SENP7: variants seen among roughly 807,000 people sequenced by gnomAD.
SENP7 encodes the protein sentrin-specific protease 7.
Under a neutral mutation model 141.2 loss-of-function variants are expected in SENP7, and 64 were observed. The observed-to-expected ratio is 0.45, with a 90% CI of 0.37 to 0.56. The LOEUF is 0.56. SENP7 is among the 20% of genes least tolerant of loss of function. The pLI, the probability that SENP7 is intolerant of heterozygous loss-of-function variation, is 0.00. For missense variants in SENP7, 1,025 were observed against 1,212.2 expected, an observed-to-expected ratio of 0.85 and a Z score of 2.29; for synonymous variants, 382 against 426.4, an observed-to-expected ratio of 0.90 and a Z score of 1.28.
chr3:101,331,278 C>T (rs1367163561), intron 19 of SENP7, among the ~76,000 whole-genome samples: 2 of 151,640 alleles, frequency 1.3e-5, no homozygotes, highest in Non-Finnish European at 1.5e-5. Flanking sequence ...CCAGGAGTTC[C>T]AGACCCACCT....
At chr3:101,478,011 C>T (rs1239091771) in intron 3 of SENP7, among the ~76,000 whole-genome samples, 2 of 151,812 alleles carry the variant, frequency 1.3e-5, no homozygotes, top group African/African-American at 2.4e-5. Flanking sequence ...AACACACACA[C>T]ATACCCTAAT....
chr3:101,504,297 A>AC (rs980688133), intron 1 of SENP7, among the ~76,000 whole-genome samples: 11 of 53,092 alleles, frequency 2.1e-4, no homozygotes, highest in African/African-American at 6.0e-4. Flanking sequence ...TTAAAAATAC[A>AC]AAAAAAAAAA....
intron 4 of SENP7, among the ~76,000 whole-genome samples, chr3:101,442,999 G>C (rs1183733397): frequency 6.6e-6 from 1 of 152,194 alleles, no homozygotes; most frequent in Non-Finnish European, 1.5e-5. Flanking sequence ...ATTGCTTTTG[G>C]TGTTTTAGAC....
chr3:101,472,695 T>C (rs963290941), intron 3 of SENP7, among the ~76,000 whole-genome samples: 3 of 151,780 alleles, frequency 2.0e-5, no homozygotes, highest in Admixed American at 6.6e-5. Flanking sequence ...AGGTAAACAA[T>C]AAAAGAATAG....
chr3:101,407,214 G>C lies in SENP7; in HGVS notation c.483-8159C>G, dbSNP rs183503395. On this transcript the variant is annotated intron_variant, in intron 5 of 23. Coordinates refer to ENST00000394095, the MANE Select transcript of SENP7 (RefSeq NM_020654.5). The stretch of plus-strand genomic sequence containing the variant: ...AAGACAAAGAGGGGCATTATATAAG[G>C]ACAAAAGGATTAGTCCAACAGGAAA... Among the ~76,000 whole-genome samples, 103 of 152,182 alleles carry C rather than the reference G, an allele frequency of 6.8e-4. No homozygotes were observed. In the Middle Eastern group the frequency reaches 0.014, roughly 20 times the overall value.
At chr3:101,446,365 G>C (rs975913642) in intron 4 of SENP7, among the ~76,000 whole-genome samples, 1 of 152,164 alleles carries the variant, frequency 6.6e-6, no homozygotes, top group African/African-American at 2.4e-5. Flanking sequence ...ACACTAAACA[G>C]ATCATCCAGA....
intron 3 of SENP7, among the ~76,000 whole-genome samples, chr3:101,472,600 T>G (rs1334830880): frequency 6.6e-6 from 1 of 152,060 alleles, no homozygotes; most frequent in Non-Finnish European, 1.5e-5. Context: ...TGTATACCTA[T>G]GTATCAAACC....
chr3:101,399,196 A>G, intron 5 of SENP7, 141 bp from the exon 6 acceptor site: 1 of 462,400 alleles, frequency 2.2e-6, no homozygotes, highest in Non-Finnish European at 3.7e-6. Flanking sequence ...AAATTAACCC[A>G]TAAATACTTA....
At chr3:101,405,170 C>A (rs1373825220) in intron 5 of SENP7, among the ~76,000 whole-genome samples, 2 of 152,254 alleles carry the variant, frequency 1.3e-5, no homozygotes, top group African/African-American at 4.8e-5. Context: ...CTGAAGGAAG[C>A]AGAGTACACC....
intron 6 of SENP7, among the ~76,000 whole-genome samples, chr3:101,381,039 C>A (rs2060487784): frequency 6.6e-6 from 1 of 152,148 alleles, no homozygotes; most frequent in African/African-American, 2.4e-5. Context: ...TAACCTGAAT[C>A]ATTTTTCTAA....
chr3:101,493,769 C>T, intron 3 of SENP7, 104 bp downstream of exon 3: 1 of 653,268 alleles, frequency 1.5e-6, no homozygotes, highest in Non-Finnish European at 2.5e-6. Flanking sequence ...CACAAGAAAA[C>T]CAAAAAAGGG....
chr3:101,458,538 C>CT, intron 4 of SENP7: 1 of 155,412 alleles, frequency 6.4e-6, no homozygotes, highest in Non-Finnish European at 1.4e-5. Context: ...TTGGCTGGCC[C>CT]AAGTACAGAG....
chr3:101,507,720 T>C (rs2065679401), intron 1 of SENP7, among the ~76,000 whole-genome samples: 1 of 152,092 alleles, frequency 6.6e-6, no homozygotes, highest in African/African-American at 2.4e-5. Context: ...ATTCTAACTT[T>C]ATTACAATAA....
chr3:101,472,111 A>G (rs572870471), intron 3 of SENP7, among the ~76,000 whole-genome samples: 2 of 152,386 alleles, frequency 1.3e-5, no homozygotes, highest in East Asian at 3.9e-4. Context: ...TCAAGGATCT[A>G]GACCTGGAAT....
At chr3:101,351,954 G>T (rs1238009950) in intron 11 of SENP7, among the ~76,000 whole-genome samples, 1 of 151,900 alleles carries the variant, frequency 6.6e-6, no homozygotes, top group Non-Finnish European at 1.5e-5. Context: ...AGAAGAAACT[G>T]CCAAGAGACC....
At chr3:101,357,290 C>A in intron 11 of SENP7, 1 of 572,880 alleles carries the variant, frequency 1.7e-6, no homozygotes, top group Non-Finnish European at 3.3e-6. Context: ...CGTGAGCCAC[C>A]GCGAGGAGTG....
intron 12 of SENP7, among the ~76,000 whole-genome samples, chr3:101,350,761 T>C (rs1427530737): frequency 2.0e-5 from 3 of 151,984 alleles, no homozygotes; most frequent in Non-Finnish European, 2.9e-5. Context: ...ATCACATGAC[T>C]TTTTTTGTTT....
chr3:101,419,159 T>C (rs1362579145), intron 4 of SENP7, among the ~76,000 whole-genome samples: 1 of 152,058 alleles, frequency 6.6e-6, no homozygotes, highest in African/African-American at 2.4e-5. Flanking sequence ...AAGTAAAAAA[T>C]GGAGAAAGGT....
At chr3:101,328,447 A>T in intron 22 of SENP7, 31 bp downstream of exon 22, 3 of 1,548,094 alleles carry the variant, frequency 1.9e-6, no homozygotes, top group Non-Finnish European at 2.7e-6. Flanking sequence ...TTTAGATAAC[A>T]GACTGGAATG....
Sources: gnomAD v4.1 joint callset for allele counts (sites outside exome capture counted in the v4.1 genomes callset) on GRCh38, gnomAD v4.1.1 for gene constraint, MANE v1.5 for transcripts, NCBI Gene and HGNC (gene_info 2026-07-23, HGNC 2026-07-21) for gene names.